EP300: variants seen among roughly 807,000 people sequenced by gnomAD.
EP300 encodes EP300 lysine acetyltransferase.
EP300 carries 31 observed loss-of-function variants against 264.0 expected under a neutral mutation model. The observed-to-expected ratio is 0.12, with a 90% CI of 0.09 to 0.16. The LOEUF (loss-of-function observed/expected upper bound fraction) is 0.16, where lower values mean the gene tolerates loss of function less well. Among genes scored for constraint, EP300 ranks in the 10% least tolerant of loss-of-function variants. EP300 has a pLI of 1.00. For missense variants in EP300, 2,766 were observed against 3,052.9 expected (o/e 0.91, Z 2.21); for synonymous variants, 1,340 against 1,045.4 (o/e 1.28, Z -5.44).
In EP300 at chr22:41,146,778, T is replaced by C. The variant is rs980024399; in HGVS notation, c.2093T>C (p.Val698Ala). ...LPDPSMIRGS[V>A]PNQMMPRITP... Reference sequence around the variant, plus strand: ...GACCCAAGTATGATCCGTGGCAGTGTGCCAAACCAGATGATGCCTCGAATA... The same window carrying C: ...GACCCAAGTATGATCCGTGGCAGTGCGCCAAACCAGATGATGCCTCGAATA... Residue 698 changes from valine (V) to alanine (A), a missense_variant, in exon 11 of 31, where the codon GTG (valine) becomes GCG (alanine). Transcript: ENST00000263253. 4.3e-6 allele frequency: 7 copies of C among 1,614,078 alleles called. No homozygotes were observed. In the Admixed American group the frequency reaches 6.7e-5, roughly 15 times the overall value.
chr22:41,120,391 A>G (rs527488141), intron 2 of EP300, among the ~76,000 whole-genome samples: 1 of 152,308 alleles, frequency 6.6e-6, no homozygotes, highest in East Asian at 1.9e-4. Flanking sequence ...ACCAAGTCCT[A>G]AAATTATCTT....
intron 10 of EP300, among the ~76,000 whole-genome samples, chr22:41,144,208 G>A (rs1334351346): frequency 6.6e-6 from 1 of 152,030 alleles, no homozygotes; most frequent in East Asian, 1.9e-4. Context: ...TTCTGATGGG[G>A]GCAGTGGAAT....
rs2145749450 is a variant in EP300, at chr22:41,158,417, G to A, written c.3507G>A (p.Glu1169=). Residue 1169 remains glutamate, a synonymous_variant, in exon 19 of 31, where the codon GAG becomes GAA. Coordinates refer to ENST00000263253, the MANE Select transcript of EP300 (RefSeq NM_001429.4). The stretch of plus-strand genomic sequence containing the variant: ...ACAAATGGTTTCTTTTGCAGTTGGA[G>A]TTCTCTCCACAGACACTGTGTTGCT... ...SLGYCCGRKL[E]FSPQTLCCYG... 1.2e-6 allele frequency: 2 copies of A among 1,614,100 alleles called. No individual in the cohort carries two copies. Among genetic ancestry groups the A allele is most frequent in the Admixed American group, 1.7e-5 (1 of 60,008 alleles).
intron 25 of EP300, 173 bp from the exon 26 acceptor site, chr22:41,169,330 T>C: frequency 3.2e-6 from 2 of 618,348 alleles, no homozygotes; most frequent in Admixed American, 2.8e-5. Context: ...CTCACTGAAC[T>C]TCCCTGAAGG....
chr22:41,116,133 TAATG>T (rs1476861379), intron 1 of EP300, among the ~76,000 whole-genome samples: 1 of 152,232 alleles, frequency 6.6e-6, no homozygotes, highest in African/African-American at 2.4e-5. Flanking sequence ...ACTCATGTAA[TAATG>T]GGTGTTGCAC....
chr22:41,125,823 T>C, intron 2 of EP300, 41 bp from the exon 3 acceptor site: 1 of 1,593,906 alleles, frequency 6.3e-7, no homozygotes, highest in Non-Finnish European at 8.6e-7. Context: ...ATGTCTTAAA[T>C]TTTATTGCTT....
In EP300 at chr22:41,178,374, A is replaced by ACAG. The variant is rs761639659; in HGVS notation, c.6674_6676dup (p.Gln2225dup). On this transcript the variant is annotated inframe_insertion, in exon 31 of 31. Coordinates refer to ENST00000263253, the MANE Select transcript of EP300 (RefSeq NM_001429.4). ...AACCCCAAGGAGTTGGCTACCCACC[A>ACAG]CAGCAGCAGCAGCGGATGCAGCATC... The ACAG allele has an allele frequency of 1.2e-5, 19 of 1,614,010 alleles. No homozygotes were observed. The South Asian group carries it at 1.4e-4, about 12-fold the overall frequency.
In EP300 at chr22:41,172,637, GAAA is replaced by G; in HGVS notation, c.4593_4595del (p.Glu1531_Asn1532delinsAsp). 6.2e-7 allele frequency: 1 copy of G among 1,613,590 alleles called. No individual in the cohort carries two copies. The highest frequency in any genetic ancestry group is 1.7e-4 in the Middle Eastern group (1 of 6,056). On this transcript the variant is annotated inframe_deletion, in exon 28 of 31. Coordinates refer to ENST00000263253, the MANE Select transcript of EP300 (RefSeq NM_001429.4). ...GGAGGAAGAAGAGAGAAAACGAGAG[GAAA>G]ACACCAGCAATGAAAGCACAGATGT...
chr22:41,146,443 AGGCGT>A, intron 10 of EP300: 1 of 379,588 alleles, frequency 2.6e-6, no homozygotes, highest in Non-Finnish European at 5.0e-6. Context: ...CCAGGATTAC[AGGCGT>A]GAGCCACTGT....
chr22:41,168,298 C>A, intron 23 of EP300, 151 bp from the exon 24 acceptor site: 1 of 807,262 alleles, frequency 1.2e-6, no homozygotes, highest in Admixed American at 2.1e-5. Context: ...TGTAAATCTG[C>A]AAAGTAGTGA....
intron 1 of EP300, among the ~76,000 whole-genome samples, chr22:41,110,731 C>T (rs993219240): frequency 6.6e-6 from 1 of 151,954 alleles, no homozygotes; most frequent in Non-Finnish European, 1.5e-5. Flanking sequence ...TTTCACACTT[C>T]CAGTGGTCCT....
rs779543207 is a variant in EP300, at chr22:41,178,237, C to T, written c.6526C>T (p.Pro2176Ser). The T allele has an allele frequency of 1.9e-5, 31 of 1,613,998 alleles. No homozygotes were observed. The highest frequency in any genetic ancestry group is 2.5e-5 in the Non-Finnish European group (30 of 1,180,034). The change falls in exon 31 of 31, where the codon CCT (proline) becomes TCT (serine). Residue 2176 changes from proline (P) to serine (S), a missense_variant. Physicochemically the swap from Pro to Ser is moderately conservative, Grantham distance 74. Transcript: ENST00000263253. Reference protein sequence around the residue: ...QQMNMNHNTMPSQFRDILRRQ... With the variant: ...QQMNMNHNTMSSQFRDILRRQ... ...GATGAACATGAACCACAACACCATGCCTTCACAATTCCGAGACATCTTGAG... is the reference window on the plus strand; with the variant it reads ...GATGAACATGAACCACAACACCATGTCTTCACAATTCCGAGACATCTTGAG...
intron 1 of EP300, among the ~76,000 whole-genome samples, chr22:41,095,749 A>G (rs1182959600): frequency 6.6e-6 from 1 of 152,116 alleles, no homozygotes; most frequent in Non-Finnish European, 1.5e-5. Flanking sequence ...TAAGCCCGAA[A>G]TTCTAGCACC....
rs2145744876 is a variant in EP300, at chr22:41,155,079, G to A, written c.3227G>A (p.Arg1076His). Residue 1076 changes from arginine (R) to histidine (H), a missense_variant, in exon 17 of 31, where the codon CGT becomes CAT. Coordinates refer to ENST00000263253, the MANE Select transcript of EP300 (RefSeq NM_001429.4). The stretch of plus-strand genomic sequence containing the variant: ...CAGGATCCAGAATCCCTTCCCTTTC[G>A]TCAACCTGTGGACCCTCAGCTTTTA... ...YRQDPESLPF[R>H]QPVDPQLLGI... 6.2e-7 allele frequency: 1 copy of A among 1,613,724 alleles called. No individual in the cohort carries two copies.
intron 12 of EP300, chr22:41,148,804 T>C: frequency 1.8e-6 from 1 of 570,612 alleles, no homozygotes. Context: ...ATCCTCTTAC[T>C]ATTTCTTGGA....
chr22:41,160,263 T>C (rs749954566), intron 19 of EP300: 41 of 271,218 alleles, frequency 1.5e-4, no homozygotes, highest in Non-Finnish European at 2.8e-4. Flanking sequence ...ATTTGAGATA[T>C]TTAATGCTAA....
chr22:41,146,198 T>TCCATCGC (rs912413942), intron 10 of EP300, among the ~76,000 whole-genome samples: 1 of 148,232 alleles, frequency 6.7e-6, no homozygotes, highest in African/African-American at 2.5e-5. Context: ...AGAGTCTTGC[T>TCCATCGC]CCATCGCCCA....
At chr22:41,175,918 C>T (rs1057217601) in intron 29 of EP300, 5 of 353,262 alleles carry the variant, frequency 1.4e-5, no homozygotes, top group East Asian at 6.2e-5. Flanking sequence ...ACTCAGCATT[C>T]GCCAGTCTCA....
In EP300 at chr22:41,133,325, T is replaced by C. The variant is rs1186340313; in HGVS notation, c.1528+1692T>C. On this transcript the variant is annotated intron_variant, in intron 6 of 30. Coordinates refer to ENST00000263253, the MANE Select transcript of EP300 (RefSeq NM_001429.4). ...GGCACCTGCCACCACACCCAGCTAATTTTTTTTTTGGAACGAAGTTTTGCC... is the reference window on the plus strand; with the variant it reads ...GGCACCTGCCACCACACCCAGCTAACTTTTTTTTTGGAACGAAGTTTTGCC... Among the ~76,000 whole-genome samples, 3 of 149,880 alleles carry C rather than the reference T, an allele frequency of 2.0e-5. No homozygotes were observed. The East Asian group carries it at 5.8e-4, about 29-fold the overall frequency.
Sources: gnomAD v4.1 joint callset for allele counts (sites outside exome capture counted in the v4.1 genomes callset) on GRCh38, gnomAD v4.1.1 for gene constraint, MANE v1.5 for transcripts, NCBI Gene and HGNC (gene_info 2026-07-23, HGNC 2026-07-21) for gene names.